Variants in TTC19 observed in about 807,000 individuals in gnomAD.
TTC19 encodes the protein tetratricopeptide repeat domain 19, also known as tetratricopeptide repeat protein 19, mitochondrial.
Under a neutral mutation model 49.5 loss-of-function variants are expected in TTC19, and 38 were observed. That is an observed-to-expected ratio of 0.77 (90% CI 0.59 to 1.01). TTC19 has a LOEUF of 1.01. TTC19 is among the 50% of genes least tolerant of loss of function. TTC19 has a pLI of 0.00. For missense variants in TTC19, 475 were observed against 477.7 expected (o/e 0.99, Z 0.05); for synonymous variants, 204 against 185.2 (o/e 1.10, Z -0.83).
chr17:16,019,983 A>G (rs893146625), intron 7 of TTC19, among the ~76,000 whole-genome samples: 1 of 150,990 alleles, frequency 6.6e-6, no homozygotes, highest in African/African-American at 2.4e-5. Flanking sequence ...AAAAAAAAAA[A>G]GCCAGGCATG....
chr17:16,035,831 C>G (rs956315136), intron 2 of TTC19, among the ~76,000 whole-genome samples: 1 of 152,136 alleles, frequency 6.6e-6, no homozygotes, highest in African/African-American at 2.4e-5. Context: ...CATGAGTCAT[C>G]ATACCCGGCC....
At chr17:16,023,999 G>A (rs937570337) in intron 7 of TTC19, 3 of 152,098 alleles carry the variant, frequency 2.0e-5, no homozygotes, top group East Asian at 1.9e-4. Context: ...GTCTTTTATT[G>A]TGTGAACAGT....
chr17:16,043,520 C>T (rs1450910311), intron 2 of TTC19, among the ~76,000 whole-genome samples: 1 of 152,184 alleles, frequency 6.6e-6, no homozygotes, highest in East Asian at 1.9e-4. Context: ...GAATAGAGAC[C>T]ATGTGGCATA....
At chr17:16,020,735 C>G (rs953006979) in intron 7 of TTC19, among the ~76,000 whole-genome samples, 4 of 152,078 alleles carry the variant, frequency 2.6e-5, no homozygotes, top group Non-Finnish European at 4.4e-5. Flanking sequence ...TGCAGTGACA[C>G]GATCACAGCT....
chr17:16,039,890 A>C, intron 2 of TTC19: 1 of 458,922 alleles, frequency 2.2e-6, no homozygotes. Flanking sequence ...TCCCAGATTC[A>C]AGGGATTCTC....
chr17:16,006,325 G>A (rs1280556812), intron 6 of TTC19, 149 bp from the exon 7 acceptor site: 6 of 657,658 alleles, frequency 9.1e-6, no homozygotes, highest in South Asian at 1.6e-5. Context: ...CAGGAGAATC[G>A]CTTGAACCCC....
chr17:16,017,048 C>T (rs1469754388), intron 7 of TTC19, among the ~76,000 whole-genome samples: 2 of 152,158 alleles, frequency 1.3e-5, no homozygotes, highest in East Asian at 3.9e-4. Context: ...TCTGTTTAGA[C>T]AGTCTCATAG....
chr17:16,031,731 T>A (rs926793313), downstream of TTC19: 9 of 229,380 alleles, frequency 3.9e-5, no homozygotes, highest in Non-Finnish European at 7.8e-5. Context: ...TTCACAAGAT[T>A]TTAAACATCA....
intron 7 of TTC19, among the ~76,000 whole-genome samples, chr17:16,010,704 C>G (rs150564240): frequency 1.2e-3 from 179 of 152,260 alleles, no homozygotes; most frequent in Admixed American, 2.8e-3. Flanking sequence ...GATCTCCTGA[C>G]CTCATGATCC....
intron 7 of TTC19, among the ~76,000 whole-genome samples, chr17:16,007,107 A>G (rs1042170833): frequency 2.0e-5 from 3 of 152,074 alleles, no homozygotes; most frequent in African/African-American, 7.2e-5. Context: ...TTCAATACCT[A>G]CTCTATACCA....
rs139252658 is a variant in TTC19, at chr17:16,036,377, T to C, written c.248-8126T>C. Among the ~76,000 whole-genome samples, 5 of 152,336 alleles carry C rather than the reference T, an allele frequency of 3.3e-5. No homozygotes were observed. The East Asian group carries it at 5.8e-4, about 18-fold the overall frequency. On this transcript the variant is annotated intron_variant, in intron 2 of 2. Transcript: ENST00000470649. ...AGAGCACAGGCGAGTAGACCAAGCA[T>C]AATTCTTAAGTGGCCTAGGATTTTC...
Position 16,002,792 on chromosome 17 carries a change from G to C in TTC19, c.424-1G>C. On this transcript the variant is annotated splice_acceptor_variant, in intron 3 of 9. Transcript: ENST00000261647. LOFTEE classifies it high-confidence loss of function. Reference sequence around the variant, plus strand: ...AAAAACAATTTGTAATTTGCTTTCAGATGGCCAACTTAGCATTTATACGGG... The same window carrying C: ...AAAAACAATTTGTAATTTGCTTTCACATGGCCAACTTAGCATTTATACGGG... The C allele has an allele frequency of 6.2e-7, 1 of 1,614,032 alleles. No homozygotes were observed. The highest frequency in any genetic ancestry group is 8.5e-7 in the Non-Finnish European group (1 of 1,179,972).
At chr17:16,003,937 A>C (rs1191201281) in intron 5 of TTC19, 50 bp downstream of exon 5, 1 of 1,592,126 alleles carries the variant, frequency 6.3e-7, no homozygotes, top group East Asian at 2.2e-5. Context: ...TTTTCAAAAC[A>C]GTCTTGTCTC....
chr17:16,041,759 C>T (rs965697121), intron 2 of TTC19, among the ~76,000 whole-genome samples: 5 of 148,420 alleles, frequency 3.4e-5, no homozygotes, highest in East Asian at 2.0e-4. Flanking sequence ...ATTTTTAAGA[C>T]GGAGTCTCAC....
intron 4 of TTC19, 56 bp from the exon 5 acceptor site, chr17:16,003,775 A>G: frequency 7.0e-7 from 1 of 1,435,450 alleles, no homozygotes; most frequent in East Asian, 2.4e-5. Context: ...AGGGTCATAT[A>G]TATATATATA....
At chr17:16,031,739 T>C (rs1475305420), downstream of TTC19, 1 of 229,658 alleles carries the variant, frequency 4.4e-6, no homozygotes, top group Non-Finnish European at 8.6e-6. Flanking sequence ...ATTTTAAACA[T>C]CACTGGAAAG....
chr17:16,040,515 AAGTTAATT>A, intron 2 of TTC19: 1 of 1,607,666 alleles, frequency 6.2e-7, no homozygotes, highest in Non-Finnish European at 8.5e-7. Flanking sequence ...GCAAACATTC[AAGTTAATT>A]AAGATGTGAT....
At chr17:16,024,995 C>G in intron 7 of TTC19, 22 bp from the exon 8 acceptor site, 1 of 1,613,478 alleles carries the variant, frequency 6.2e-7, no homozygotes, top group Non-Finnish European at 8.5e-7. Context: ...GGTAGATTTG[C>G]TGATTCCTCT....
chr17:16,004,012 T>G, intron 5 of TTC19, 125 bp downstream of exon 5: 1 of 1,192,456 alleles, frequency 8.4e-7, no homozygotes, highest in Non-Finnish European at 1.2e-6. Context: ...CCTTCTGAGA[T>G]CTCTATACAA....
Sources: gnomAD v4.1 joint callset for allele counts (sites outside exome capture counted in the v4.1 genomes callset) on GRCh38, gnomAD v4.1.1 for gene constraint, MANE v1.5 for transcripts, NCBI Gene and HGNC (gene_info 2026-07-23, HGNC 2026-07-21) for gene names.